Variants in NCAM2 observed in about 807,000 individuals in gnomAD.
NCAM2 encodes N-CAM-2.
Under a neutral mutation model 98.1 loss-of-function variants are expected in NCAM2, and 30 were observed. The observed-to-expected ratio is 0.31, with a 90% CI of 0.23 to 0.41. NCAM2 has a LOEUF of 0.41. NCAM2 is among the 10% of genes least tolerant of loss of function. The pLI, the probability that NCAM2 is intolerant of heterozygous loss-of-function variation, is 1.00. For synonymous variants in NCAM2, 368 were observed against 342.4 expected (o/e 1.07, Z -0.83); for missense variants, 867 against 1,005.8 (o/e 0.86, Z 1.87).
intron 1 of NCAM2, among the ~76,000 whole-genome samples, chr21:21,169,457 G>C (rs2068051896): frequency 6.6e-6 from 1 of 152,160 alleles, no homozygotes; most frequent in Non-Finnish European, 1.5e-5. Context: ...CATTACAATT[G>C]AAAATTATTT....
chr21:21,286,266 C>T lies in NCAM2; in HGVS notation c.338-3C>T. ...TGTGATTTGTTTTACTTTGTTGATA[C>T]AGAAAAACTCACTTTCAGAGAAGTG... On this transcript the variant is annotated splice_polypyrimidine_tract_variant and splice_region_variant and intron_variant, in intron 3 of 17. Transcript: ENST00000400546. 3.1e-6 allele frequency: 5 copies of T among 1,588,810 alleles called. No individual in the cohort carries two copies. The South Asian group carries it at 5.6e-5, about 18-fold the overall frequency.
At chr21:21,223,029 T>A (rs554182300) in intron 1 of NCAM2, among the ~76,000 whole-genome samples, 2 of 152,152 alleles carry the variant, frequency 1.3e-5, no homozygotes, top group South Asian at 2.1e-4. Context: ...TAAAAAAAAA[T>A]TTACTTCTTA....
chr21:21,214,984 G>A (rs1240340530), intron 1 of NCAM2, among the ~76,000 whole-genome samples: 1 of 151,826 alleles, frequency 6.6e-6, no homozygotes, highest in Non-Finnish European at 1.5e-5. Context: ...GGCAAGTGGA[G>A]TGATGTAATC....
chr21:21,267,743 C>T (rs777125635), intron 1 of NCAM2, among the ~76,000 whole-genome samples: 5 of 152,140 alleles, frequency 3.3e-5, no homozygotes, highest in Non-Finnish European at 7.3e-5. Context: ...TTAACATTTA[C>T]TGATTATTTA....
At chr21:21,407,733 G>T (rs1413351658) in intron 9 of NCAM2, among the ~76,000 whole-genome samples, 1 of 152,088 alleles carries the variant, frequency 6.6e-6, no homozygotes, top group Non-Finnish European at 1.5e-5. Context: ...ATAGACGTAT[G>T]AATTTCTTGT....
intron 9 of NCAM2, among the ~76,000 whole-genome samples, chr21:21,381,749 C>T (rs1038080283): frequency 4.6e-5 from 7 of 151,988 alleles, no homozygotes; most frequent in East Asian, 1.9e-4. Flanking sequence ...TAAGTAGTTA[C>T]GCATATTTTA....
intron 3 of NCAM2, among the ~76,000 whole-genome samples, chr21:21,284,875 C>T (rs542752866): frequency 5.9e-5 from 9 of 151,592 alleles, no homozygotes; most frequent in Non-Finnish European, 1.3e-4. Context: ...GGATTCTTTA[C>T]CACTAAGTGT....
intron 12 of NCAM2, among the ~76,000 whole-genome samples, chr21:21,445,303 T>C (rs1297358075): frequency 6.6e-6 from 1 of 152,178 alleles, no homozygotes; most frequent in Non-Finnish European, 1.5e-5. Context: ...GAAGAATGAA[T>C]ATTATGATGA....
At chr21:21,354,589 T>G (rs1217609085) in intron 8 of NCAM2, among the ~76,000 whole-genome samples, 1 of 152,218 alleles carries the variant, frequency 6.6e-6, no homozygotes, top group East Asian at 1.9e-4. Context: ...ACAGATCACA[T>G]TTTTAGAAAT....
At chr21:21,234,401 A>C (rs1167033698) in intron 1 of NCAM2, among the ~76,000 whole-genome samples, 1 of 151,994 alleles carries the variant, frequency 6.6e-6, no homozygotes. Context: ...CAGGATCAGT[A>C]AGACTCCTTG....
At chr21:21,105,174 G>T (rs1330979080) in intron 1 of NCAM2, among the ~76,000 whole-genome samples, 1 of 152,144 alleles carries the variant, frequency 6.6e-6, no homozygotes, top group Non-Finnish European at 1.5e-5. Context: ...TACAGAAATA[G>T]ATAATGAACA....
intron 16 of NCAM2, among the ~76,000 whole-genome samples, chr21:21,524,769 T>C (rs928151988): frequency 1.3e-5 from 2 of 152,092 alleles, no homozygotes; most frequent in African/African-American, 2.4e-5. Context: ...CTAGGTCATA[T>C]GACACACTTT....
chr21:21,283,933 C>T (rs1054715772), intron 2 of NCAM2, among the ~76,000 whole-genome samples: 7 of 151,854 alleles, frequency 4.6e-5, no homozygotes, highest in Non-Finnish European at 8.8e-5. Context: ...ACAATCATAG[C>T]TTAAATACTG....
intron 1 of NCAM2, among the ~76,000 whole-genome samples, chr21:21,062,006 A>G (rs1041108622): frequency 6.6e-6 from 1 of 152,118 alleles, no homozygotes; most frequent in Non-Finnish European, 1.5e-5. Context: ...TTGTCTAGAC[A>G]CCTTTAACCA....
At chr21:21,311,058 G>C (rs1178407753) in intron 5 of NCAM2, among the ~76,000 whole-genome samples, 4 of 152,184 alleles carry the variant, frequency 2.6e-5, no homozygotes, top group Non-Finnish European at 5.9e-5. Context: ...AAAGGTTCTA[G>C]AAATTATAAT....
intron 1 of NCAM2, among the ~76,000 whole-genome samples, chr21:21,070,848 C>T (rs1296204990): frequency 6.6e-6 from 1 of 151,966 alleles, no homozygotes; most frequent in Non-Finnish European, 1.5e-5. Flanking sequence ...AATGGGCTAT[C>T]CAATAAATAT....
intron 1 of NCAM2, among the ~76,000 whole-genome samples, chr21:21,018,403 T>C (rs1289670446): frequency 2.0e-5 from 3 of 152,366 alleles, no homozygotes; most frequent in African/African-American, 7.2e-5. Flanking sequence ...CTCCAGTTTG[T>C]AATTAAAGAG....
intron 1 of NCAM2, among the ~76,000 whole-genome samples, chr21:21,057,629 A>G (rs1293770620): frequency 6.6e-6 from 1 of 152,078 alleles, no homozygotes; most frequent in African/African-American, 2.4e-5. Flanking sequence ...ACTTTTCCCC[A>G]TCACGACTGC....
chr21:21,326,699 C>A (rs940248070), intron 6 of NCAM2, among the ~76,000 whole-genome samples: 1 of 151,824 alleles, frequency 6.6e-6, no homozygotes, highest in Admixed American at 6.6e-5. Context: ...TTCTCCATAT[C>A]TTCATATGGT....
Sources: gnomAD v4.1 joint callset for allele counts (sites outside exome capture counted in the v4.1 genomes callset) on GRCh38, gnomAD v4.1.1 for gene constraint, MANE v1.5 for transcripts, NCBI Gene and HGNC (gene_info 2026-07-23, HGNC 2026-07-21) for gene names.